KDR: variants seen among roughly 807,000 people sequenced by gnomAD.
KDR encodes the protein kinase insert domain receptor, also known as vascular endothelial growth factor receptor 2.
In KDR, 43 loss-of-function variants were observed where a neutral mutation model predicts 160.9. That is an observed-to-expected ratio of 0.27 (90% CI 0.21 to 0.34). KDR has a LOEUF of 0.34. KDR is among the 10% of genes least tolerant of loss of function. The pLI is 1.00. For synonymous variants in KDR, 617 were observed against 600.1 expected (o/e 1.03, Z -0.41); for missense variants, 1,469 against 1,666.4 (o/e 0.88, Z 2.06).
chr4:55,113,589 G>T, intron 6 of KDR, 108 bp from the exon 7 acceptor site: 1 of 966,244 alleles, frequency 1.0e-6, no homozygotes, highest in South Asian at 1.4e-5. Context: ...ATTATTTAAT[G>T]CTAAAAACAG....
rs1721009779 is a variant in KDR, at chr4:55,125,473, C to G, written c.-180G>C. 5.9e-6 allele frequency: 4 copies of G among 681,736 alleles called. No homozygotes were observed. Among genetic ancestry groups the G allele is most frequent in the Admixed American group, 2.6e-5 (1 of 37,840 alleles). 42.2% of individuals were successfully genotyped at this position (681,736 alleles called of 1,614,324 possible). The stretch of plus-strand genomic sequence containing the variant: ...CGGCTGCAGGGGCGTCTGCGGGTGC[C>G]GGTAGGAGAGGATATCCAGGCTGCC... On this transcript the variant is annotated 5_prime_UTR_variant, in exon 1 of 30. Coordinates refer to ENST00000263923, the MANE Select transcript of KDR (RefSeq NM_002253.4).
intron 26 of KDR, 116 bp downstream of exon 26, chr4:55,088,749 CAGT>C (rs1176495326): frequency 4.1e-6 from 3 of 733,662 alleles, no homozygotes; most frequent in Middle Eastern, 5.6e-4. Context: ...TAGAAGAATA[CAGT>C]AGATTATTCA....
Position 55,105,871 on chromosome 4 carries a change from C to T in KDR, c.1606G>A (p.Val536Ile), listed in dbSNP as rs2110024017. 1 of 1,613,460 alleles carries T rather than the reference C, an allele frequency of 6.2e-7. No homozygotes were observed. The highest frequency in any genetic ancestry group is 1.3e-5 in the African/African-American group (1 of 75,000). The change falls in exon 12 of 30, where the codon GTC becomes ATC. Residue 536 changes from valine (V) to isoleucine (I), a missense_variant. Physicochemically the swap from Val to Ile is conservative, Grantham distance 29. Transcript: ENST00000263923. ...GAGATCACCCTCTCTCCTCTCCCGA[C>T]TTTGTTGACCGCTTCACATTTGTAC... The part of the protein sequence containing the change: ...ALYKCEAVNK[V>I]GRGERVISFH...
rs969912766 is a variant in KDR, at chr4:55,079,280, C to G, written c.*661G>C. The G allele has an allele frequency of 6.0e-5, 14 of 234,934 alleles. No homozygotes were observed. The highest frequency in any genetic ancestry group is 1.0e-4 in the Non-Finnish European group (12 of 119,310). 14.6% of individuals were successfully genotyped at this position (234,934 alleles called of 1,614,324 possible). On this transcript the variant is annotated 3_prime_UTR_variant, in exon 30 of 30. Coordinates refer to ENST00000263923, the MANE Select transcript of KDR (RefSeq NM_002253.4). ...GGAGTCAGAAACAGCACAACGAACT[C>G]TACTTTAGCCCAACTCGAAGAACAC...
rs1048179323 is a variant in KDR, at chr4:55,107,614, G to C, written c.1412+123C>G. 5 of 1,116,512 alleles carry C rather than the reference G, an allele frequency of 4.5e-6. No homozygotes were observed. The African/African-American group carries it at 7.6e-5, about 17-fold the overall frequency. 69.2% of individuals were successfully genotyped at this position (1,116,512 alleles called of 1,614,324 possible). A position where few individuals can be genotyped will look rare whatever the true frequency, so the allele number is the denominator to read the frequency against. The stretch of plus-strand genomic sequence containing the variant: ...CAGAGAAAGATGGATGGAGATTCAG[G>C]CTACCTCTTGAGAGAAAACTTTTTT... On this transcript the variant is annotated intron_variant, in intron 10 of 29. Coordinates refer to ENST00000263923, the MANE Select transcript of KDR (RefSeq NM_002253.4).
At position 55,090,038 on chromosome 4, in the gene KDR, G is replaced by A. The variant is rs148668147; in HGVS notation, c.3110C>T (p.Ser1037Leu). 5.6e-6 allele frequency: 9 copies of A among 1,613,882 alleles called. No homozygotes were observed. The African/African-American group carries it at 6.7e-5, about 12-fold the overall frequency. ...ACAGATTTTAACCACGTTCTTCTCCGATAAGAGGATATTTCGTGCCGCCAG... is the reference window on the plus strand; with the variant it reads ...ACAGATTTTAACCACGTTCTTCTCCAATAAGAGGATATTTCGTGCCGCCAG... ...RDLAARNILL[S>L]EKNVVKICDF... is the part of the protein sequence containing the mutation. The change falls in exon 23 of 30, where the codon TCG (serine) becomes TTG (leucine). Residue 1037 changes from serine (S) to leucine (L), a missense_variant. Around this residue, in one of 7 missense-constraint regions of KDR, gnomAD observed 132 missense variants for 195.9 expected, o/e 0.67. Coordinates refer to ENST00000263923, the MANE Select transcript of KDR (RefSeq NM_002253.4).
chr4:55,105,736 G>C, intron 12 of KDR, 96 bp downstream of exon 12: 1 of 808,052 alleles, frequency 1.2e-6, no homozygotes, highest in Admixed American at 1.7e-5. Context: ...TAAATGCCAT[G>C]CCACTCACAT....
intron 2 of KDR, among the ~76,000 whole-genome samples, chr4:55,119,165 C>T (rs190545692): frequency 1.3e-4 from 19 of 151,496 alleles, no homozygotes; most frequent in African/African-American, 3.9e-4. Flanking sequence ...GCCAAAATCA[C>T]ACCACTGCAC....
intron 14 of KDR, 100 bp downstream of exon 14, chr4:55,102,262 C>G (rs575065828): frequency 4.8e-5 from 68 of 1,429,416 alleles, no homozygotes; most frequent in Non-Finnish European, 6.3e-5. Context: ...GACACCAATA[C>G]TGCTTTTTTT....
intron 10 of KDR, among the ~76,000 whole-genome samples, chr4:55,107,241 G>C (rs1314677236): frequency 1.3e-5 from 2 of 152,186 alleles, no homozygotes; most frequent in Non-Finnish European, 2.9e-5. Flanking sequence ...TGCTTAGGGT[G>C]GTGGTGGGTT....
Position 55,080,123 on chromosome 4 carries a change from C to T in KDR, c.3889G>A (p.Glu1297Lys). 1 of 1,613,848 alleles carries T rather than the reference C, an allele frequency of 6.2e-7. No individual in the cohort carries two copies. The highest frequency in any genetic ancestry group is 8.5e-7 in the Non-Finnish European group (1 of 1,180,034). ...PSKSRESVAS[E>K]GSNQTSGYQS... ...TAGCCGCTTGTCTGGTTTGAGCCTT[C>T]AGATGCCACAGACTCCCTGCTTTTG... The change falls in exon 30 of 30, where the codon GAA (glutamate) becomes AAA (lysine). Residue 1297 changes from glutamate to lysine, a missense_variant. By Grantham distance (56) the Glu-to-Lys change is moderately conservative. Coordinates refer to ENST00000263923, the MANE Select transcript of KDR (RefSeq NM_002253.4).
chr4:55,095,021 C>A, intron 20 of KDR, 66 bp from the exon 21 acceptor site: 1 of 1,456,600 alleles, frequency 6.9e-7, no homozygotes, highest in Non-Finnish European at 9.6e-7. Flanking sequence ...AGTTTACAAC[C>A]TTTAAAATGT....
At chr4:55,111,938 C>G (rs1232548641) in intron 7 of KDR, among the ~76,000 whole-genome samples, 1 of 152,158 alleles carries the variant, frequency 6.6e-6, no homozygotes, top group Non-Finnish European at 1.5e-5. Flanking sequence ...GATTACAACT[C>G]TAATAAATAG....
intron 9 of KDR, among the ~76,000 whole-genome samples, chr4:55,109,153 GC>G (rs1260722356): frequency 6.6e-6 from 1 of 151,996 alleles, no homozygotes; most frequent in East Asian, 1.9e-4. Flanking sequence ...TGCGATCTCG[GC>G]TATCTGCAAC....
Position 55,125,287 on chromosome 4 carries a change from T to C in KDR, c.7A>G (p.Ser3Gly). The change falls in exon 1 of 30, where the codon AGC (serine) becomes GGC (glycine). Residue 3 changes from serine (S) to glycine (G), a missense_variant. This residue lies in a region of KDR where 792 missense variants were observed against 840.9 expected (regional missense o/e 0.94). Coordinates refer to ENST00000263923, the MANE Select transcript of KDR (RefSeq NM_002253.4). MQ[S>G]KVLLAVALWL... ...AGGGCGACGGCCAGCAGCACCTTGC[T>C]CTGCATCCTGCACCTCGAGCCGGGC... 8 of 1,612,408 alleles carry C rather than the reference T, an allele frequency of 5.0e-6. No individual in the cohort carries two copies. The highest frequency in any genetic ancestry group is 6.8e-6 in the Non-Finnish European group (8 of 1,179,610).
rs747471120 is a variant in KDR, at chr4:55,110,438, T to A, written c.1220A>T (p.Glu407Val). The A allele has an allele frequency of 6.2e-7, 1 of 1,614,120 alleles. No individual in the cohort carries two copies. The highest frequency in any genetic ancestry group is 8.5e-7 in the Non-Finnish European group (1 of 1,179,984). Residue 407 changes from glutamate (E) to valine (V), a missense_variant, in exon 9 of 30, where the codon GAG becomes GTG. By Grantham distance (121) the Glu-to-Val change is moderately radical. Around this residue, in one of 7 missense-constraint regions of KDR, gnomAD observed 792 missense variants for 840.9 expected, o/e 0.94. Transcript: ENST00000263923. ...TVILTNPISKEKQSHVVSLVV... is the reference protein window; with the variant it reads ...TVILTNPISKVKQSHVVSLVV... The stretch of plus-strand genomic sequence containing the variant: ...CAGAGAGACCACATGGCTCTGCTTC[T>A]CCTTTGAAATGGGATTGGTAAGGAT...
chr4:55,102,989 G>C (rs572121501), intron 13 of KDR, among the ~76,000 whole-genome samples: 53 of 152,310 alleles, frequency 3.5e-4, no homozygotes, highest in African/African-American at 1.3e-3. Flanking sequence ...GTAATGAGCA[G>C]AATAGGACTG....
Position 55,110,548 on chromosome 4 carries a change from G to A in KDR, c.1110C>T (p.Pro370=), listed in dbSNP as rs202076044. 3 of 1,613,794 alleles carry A rather than the reference G, an allele frequency of 1.9e-6. No homozygotes were observed. The highest frequency in any genetic ancestry group is 2.5e-6 in the Non-Finnish European group (3 of 1,179,894). ...CTTTAATTGTGTGATTGGACTCAAG[G>A]GGTATTCCATTTTTATACCTATGAA... The part of the protein sequence containing the change: ...PEIKWYKNGI[P]LESNHTIKAG... Residue 370 remains proline (P), a synonymous_variant, in exon 9 of 30, where the codon CCC becomes CCT. Transcript: ENST00000263923.
chr4:55,118,545 C>T, intron 3 of KDR, 59 bp downstream of exon 3: 2 of 1,328,684 alleles, frequency 1.5e-6, no homozygotes, highest in Non-Finnish European at 1.1e-6. Flanking sequence ...TTCTTTGAGC[C>T]TATTGTCTTT....
Sources: gnomAD v4.1 joint callset for allele counts (sites outside exome capture counted in the v4.1 genomes callset) on GRCh38, gnomAD v4.1.1 for gene constraint, gnomAD v4.1.1 regional missense constraint, MANE v1.5 for transcripts, NCBI Gene and HGNC (gene_info 2026-07-23, HGNC 2026-07-21) for gene names.